The following GRIN2A variants were observed in gnomAD, a reference collection of about 807,000 sequenced individuals.
GRIN2A encodes glutamate receptor ionotropic, NMDA 2A.
A neutral mutation model predicts 113.4 loss-of-function variants in GRIN2A; 22 were observed. The observed-to-expected ratio is 0.19, with a 90% CI of 0.14 to 0.28. The LOEUF is 0.28. Among genes scored for constraint, GRIN2A ranks in the 10% least tolerant of loss-of-function variants. The probability of loss-of-function intolerance (pLI) is 1.00; values close to 1 mark genes in which losing one functional copy is unlikely to be tolerated. For missense variants in GRIN2A, 1,502 were observed against 1,887.0 expected (o/e 0.80, Z 3.78); for synonymous variants, 827 against 738.4 (o/e 1.12, Z -1.94).
chr16:9,895,604 A>T (rs933871601), intron 3 of GRIN2A, among the ~76,000 whole-genome samples: 28 of 152,236 alleles, frequency 1.8e-4, no homozygotes, highest in African/African-American at 6.8e-4. Flanking sequence ...ACGGTCAAAG[A>T]AAGCAACAGG....
intron 2 of GRIN2A, among the ~76,000 whole-genome samples, chr16:10,102,984 G>T (rs2048429048): frequency 6.6e-6 from 1 of 152,182 alleles, no homozygotes; most frequent in Non-Finnish European, 1.5e-5. Flanking sequence ...TCTATTGTCT[G>T]CTCTGTGCCA....
At chr16:9,937,872 A>G in intron 3 of GRIN2A, 87 bp downstream of exon 3, 2 of 924,270 alleles carry the variant, frequency 2.2e-6, no homozygotes, top group Admixed American at 3.8e-5. Flanking sequence ...TTCAGTGCGT[A>G]TTTCCAACAA....
intron 2 of GRIN2A, among the ~76,000 whole-genome samples, chr16:10,137,377 CT>C (rs987167220): frequency 3.0e-4 from 45 of 152,300 alleles, no homozygotes; most frequent in African/African-American, 1.1e-3. Flanking sequence ...TTCTTGCCCC[CT>C]ACACATGCTG....
intron 2 of GRIN2A, among the ~76,000 whole-genome samples, chr16:9,940,782 T>G (rs1305084182): frequency 6.6e-6 from 1 of 152,182 alleles, no homozygotes; most frequent in East Asian, 1.9e-4. Flanking sequence ...ATACCCAACC[T>G]ATATCTCAAT....
chr16:10,124,287 C>G (rs2048886019), intron 2 of GRIN2A, among the ~76,000 whole-genome samples: 1 of 152,110 alleles, frequency 6.6e-6, no homozygotes, highest in African/African-American at 2.4e-5. Context: ...TGCTTACTTA[C>G]AACATTGGGA....
At chr16:10,100,860 T>C (rs1421657127) in intron 2 of GRIN2A, among the ~76,000 whole-genome samples, 1 of 152,236 alleles carries the variant, frequency 6.6e-6, no homozygotes, top group African/African-American at 2.4e-5. Flanking sequence ...CTGGAGTTAA[T>C]CCATCACAGA....
chr16:9,884,823 C>T (rs28439995), intron 4 of GRIN2A, among the ~76,000 whole-genome samples: 4,103 of 146,924 alleles, frequency 0.028, 190 homozygotes, highest in African/African-American at 0.097. Context: ...GATCTGGGTT[C>T]ACTGCAAGCT....
At chr16:9,833,706 C>A (rs987643067) in intron 8 of GRIN2A, among the ~76,000 whole-genome samples, 1 of 152,292 alleles carries the variant, frequency 6.6e-6, no homozygotes, top group East Asian at 1.9e-4. Context: ...CAATGGTACA[C>A]CAACGCAGTA....
At chr16:10,051,611 C>T (rs914576814) in intron 2 of GRIN2A, among the ~76,000 whole-genome samples, 2 of 152,184 alleles carry the variant, frequency 1.3e-5, no homozygotes, top group Non-Finnish European at 2.9e-5. Context: ...GTATCAGGGA[C>T]TGGACCATTC....
At chr16:10,027,877 A>AAG (rs2046852928) in intron 2 of GRIN2A, among the ~76,000 whole-genome samples, 1 of 152,032 alleles carries the variant, frequency 6.6e-6, no homozygotes, top group African/African-American at 2.4e-5. Context: ...TCCGAAAAGC[A>AAG]CCCTTGTCTT....
chr16:9,935,038 G>A (rs1431073752), intron 3 of GRIN2A, among the ~76,000 whole-genome samples: 1 of 152,226 alleles, frequency 6.6e-6, no homozygotes, highest in East Asian at 1.9e-4. Flanking sequence ...TTGCGCAACA[G>A]CATTTCACAG....
intron 11 of GRIN2A, among the ~76,000 whole-genome samples, chr16:9,786,609 A>G (rs1902245125): frequency 6.6e-6 from 1 of 152,128 alleles, no homozygotes; most frequent in African/African-American, 2.4e-5. Context: ...CCCTTTCCAG[A>G]TGAGAAAACC....
intron 2 of GRIN2A, among the ~76,000 whole-genome samples, chr16:10,012,275 C>G (rs2046520889): frequency 6.6e-6 from 1 of 152,170 alleles, no homozygotes; most frequent in Non-Finnish European, 1.5e-5. Flanking sequence ...ATCCTGCAAA[C>G]AATAAAAGCA....
At chr16:10,178,556 C>T (rs961439337) in intron 2 of GRIN2A, among the ~76,000 whole-genome samples, 4 of 152,206 alleles carry the variant, frequency 2.6e-5, no homozygotes. Context: ...TCTCTTCTTC[C>T]CAGACAGGAG....
chr16:10,125,913 G>A (rs943536181), intron 2 of GRIN2A, among the ~76,000 whole-genome samples: 4 of 152,096 alleles, frequency 2.6e-5, no homozygotes, highest in African/African-American at 9.6e-5. Flanking sequence ...GCAGAAGGAG[G>A]TCTGACACAC....
At chr16:9,895,908 T>C (rs1032587795) in intron 3 of GRIN2A, among the ~76,000 whole-genome samples, 1 of 152,138 alleles carries the variant, frequency 6.6e-6, no homozygotes, top group Non-Finnish European at 1.5e-5. Context: ...ATTTAGTAAA[T>C]TATCAAGAAA....
intron 2 of GRIN2A, among the ~76,000 whole-genome samples, chr16:10,090,598 G>C (rs540662942): frequency 6.6e-6 from 1 of 151,578 alleles, no homozygotes; most frequent in Non-Finnish European, 1.5e-5. Context: ...AAAAATTAGA[G>C]AAAACCATCA....
Position 10,029,517 on chromosome 16 carries a change from TA to T in GRIN2A, c.415-90967del, listed in dbSNP as rs534243980. Among the ~76,000 whole-genome samples the T allele has an allele frequency of 6.1e-4, 92 of 151,812 alleles. 1 individual carries two copies. Among genetic ancestry groups the T allele is most frequent in the African/African-American group, 2.1e-3 (89 of 41,414 alleles). On this transcript the variant is annotated intron_variant, in intron 2 of 12. Transcript: ENST00000330684. ...TAGACTCAAAAGAAAAACAGTATTT[TA>T]AAAAAAAGAACAAGAATGCTGTATA...
At chr16:9,884,321 G>T (rs548831079) in intron 4 of GRIN2A, among the ~76,000 whole-genome samples, 1 of 152,158 alleles carries the variant, frequency 6.6e-6, no homozygotes, top group African/African-American at 2.4e-5. Flanking sequence ...AGCTGAAGCC[G>T]GTGGATCACC....
Sources: gnomAD v4.1 joint callset for allele counts (sites outside exome capture counted in the v4.1 genomes callset) on GRCh38, gnomAD v4.1.1 for gene constraint, MANE v1.5 for transcripts, NCBI Gene and HGNC (gene_info 2026-07-23, HGNC 2026-07-21) for gene names.